The following KIAA0825 variants were observed in gnomAD, a reference collection of about 807,000 sequenced individuals.
KIAA0825 encodes the protein uncharacterized protein KIAA0825.
KIAA0825 carries 119 observed loss-of-function variants against 147.6 expected under a neutral mutation model. The observed-to-expected ratio is 0.81, with a 90% CI of 0.69 to 0.94. The LOEUF is 0.94. Ranked by LOEUF, KIAA0825 falls within the 40% of genes least tolerant of loss-of-function variation. KIAA0825 has a pLI of 0.00. For missense variants in KIAA0825, 1,381 were observed against 1,472.7 expected (o/e 0.94, Z 1.02); for synonymous variants, 470 against 518.1 (o/e 0.91, Z 1.26).
chr5:94,195,682 G>A (rs1373428261), intron 20 of KIAA0825, among the ~76,000 whole-genome samples: 3 of 150,412 alleles, frequency 2.0e-5, no homozygotes, highest in Non-Finnish European at 4.4e-5. Flanking sequence ...ATTTTATCCA[G>A]TTTGAAACAT....
intron 20 of KIAA0825, among the ~76,000 whole-genome samples, chr5:94,255,710 T>C (rs1193066922): frequency 2.8e-5 from 3 of 106,992 alleles, no homozygotes; most frequent in Non-Finnish European, 5.8e-5. Flanking sequence ...ATTATGGCTT[T>C]TTTTTTTTTT....
chr5:94,543,688 A>G (rs566892800), intron 2 of KIAA0825, among the ~76,000 whole-genome samples: 1 of 152,248 alleles, frequency 6.6e-6, no homozygotes, highest in African/African-American at 2.4e-5. Flanking sequence ...AACACTTAGG[A>G]TTAAGGGCTA....
intron 3 of KIAA0825, 96 bp downstream of exon 3, chr5:94,536,900 C>A: frequency 1.2e-6 from 1 of 820,054 alleles, no homozygotes; most frequent in Non-Finnish European, 1.9e-6. Context: ...TAATTAAAAC[C>A]TAAAATTATC....
At chr5:94,234,063 T>C (rs1774887840) in intron 20 of KIAA0825, among the ~76,000 whole-genome samples, 1 of 152,182 alleles carries the variant, frequency 6.6e-6, no homozygotes, top group Non-Finnish European at 1.5e-5. Flanking sequence ...TTTTCATTAT[T>C]ATCATAATAT....
chr5:94,300,969 T>C (rs1468615395), intron 20 of KIAA0825, among the ~76,000 whole-genome samples: 6 of 152,108 alleles, frequency 3.9e-5, no homozygotes, highest in African/African-American at 1.4e-4. Context: ...TCTATATGGA[T>C]AGGTTTTACT....
intron 1 of KIAA0825, chr5:94,592,816 C>A (rs946957483): frequency 4.3e-6 from 2 of 461,876 alleles, no homozygotes; most frequent in East Asian, 4.7e-5. Context: ...AAATATGCTT[C>A]GGCTAAGAGC....
Position 94,270,584 on chromosome 5 carries a change from A to G in KIAA0825, c.3710+113784T>C, listed in dbSNP as rs567597180. ...AGAGACAAACCAGTTTCCATTATGG[A>G]ACATAATGGAGCATTCAAAATGGGA... On this transcript the variant is annotated intron_variant, in intron 20 of 20. Coordinates refer to ENST00000682413, the MANE Select transcript of KIAA0825 (RefSeq NM_001145678.3). Among the ~76,000 whole-genome samples the G allele has an allele frequency of 2.0e-3, 310 of 151,962 alleles. 4 individuals carry two copies. Among genetic ancestry groups the G allele is most frequent in the African/African-American group, 6.6e-3 (272 of 41,286 alleles).
At chr5:94,385,918 G>A (rs949340891) in intron 19 of KIAA0825, among the ~76,000 whole-genome samples, 2 of 152,168 alleles carry the variant, frequency 1.3e-5, no homozygotes, top group Non-Finnish European at 2.9e-5. Context: ...GGGGATGGGG[G>A]TGGCAAGGGA....
intron 20 of KIAA0825, among the ~76,000 whole-genome samples, chr5:94,337,469 T>A (rs1781935937): frequency 1.3e-5 from 2 of 152,340 alleles, no homozygotes; most frequent in South Asian, 4.1e-4. Context: ...TTCTCTATTG[T>A]TTACATTTAT....
intron 20 of KIAA0825, among the ~76,000 whole-genome samples, chr5:94,368,673 A>T (rs1006451961): frequency 6.6e-6 from 1 of 152,188 alleles, no homozygotes; most frequent in African/African-American, 2.4e-5. Flanking sequence ...TAGAGGAAAC[A>T]CTCGGAGGCA....
At chr5:94,541,213 G>A (rs1000652678) in intron 2 of KIAA0825, among the ~76,000 whole-genome samples, 7 of 152,166 alleles carry the variant, frequency 4.6e-5, no homozygotes, top group East Asian at 1.9e-4. Context: ...GGAGTTAGAC[G>A]CTGGAAAGAG....
intron 5 of KIAA0825, among the ~76,000 whole-genome samples, chr5:94,504,452 C>T (rs905262800): frequency 6.6e-6 from 1 of 152,140 alleles, no homozygotes; most frequent in African/African-American, 2.4e-5. Flanking sequence ...TAGAACACTC[C>T]AAAAGGCTTA....
At chr5:94,249,795 G>T in intron 20 of KIAA0825, among the ~76,000 whole-genome samples, 2 of 139,388 alleles carry the variant, frequency 1.4e-5, no homozygotes, top group Admixed American at 7.0e-5. Context: ...ATTTTGCTCT[G>T]CTGGTTTTTT....
chr5:94,391,786 A>AC, intron 17 of KIAA0825, 92 bp from the exon 18 acceptor site: 1 of 1,093,380 alleles, frequency 9.1e-7, no homozygotes, highest in Non-Finnish European at 1.3e-6. Context: ...GTTGATGTAA[A>AC]TCTCAGATTC....
intron 20 of KIAA0825, among the ~76,000 whole-genome samples, chr5:94,376,710 G>A (rs1296008026): frequency 6.6e-6 from 1 of 152,144 alleles, no homozygotes; most frequent in African/African-American, 2.4e-5. Context: ...GATGGGTAGA[G>A]CGAGTCACTG....
At chr5:94,509,896 T>C (rs559526727) in intron 5 of KIAA0825, among the ~76,000 whole-genome samples, 2 of 152,200 alleles carry the variant, frequency 1.3e-5, no homozygotes, top group Non-Finnish European at 2.9e-5. Flanking sequence ...AAATGCCCAT[T>C]AAAAGTACAT....
rs1247811644 is a variant in KIAA0825 at position 94,153,935 on chromosome 5, A to G, written c.*72T>C. 10 of 1,022,672 alleles carry G rather than the reference A, an allele frequency of 9.8e-6. No individual in the cohort carries two copies. The East Asian group carries it at 2.3e-4, about 24-fold the overall frequency. The allele number at this position is 1,022,672 out of a possible 1,614,324, so 63.3% of individuals were successfully genotyped here. A position where few individuals can be genotyped will look rare whatever the true frequency, so the allele number is the denominator to read the frequency against. ...CACAGCACATATGAGGTTCATTCTG[A>G]CTATGGTAAAAAATCCTACTCCATT... On this transcript the variant is annotated 3_prime_UTR_variant, in exon 21 of 21. Transcript: ENST00000682413.
chr5:94,550,001 G>T (rs989132570), intron 2 of KIAA0825, among the ~76,000 whole-genome samples: 1 of 151,986 alleles, frequency 6.6e-6, no homozygotes, highest in Non-Finnish European at 1.5e-5. Flanking sequence ...AAGATAAAAT[G>T]GACATCAACA....
chr5:94,538,617 CT>C (rs1335910876), intron 2 of KIAA0825, among the ~76,000 whole-genome samples: 1 of 152,240 alleles, frequency 6.6e-6, no homozygotes, highest in Admixed American at 6.5e-5. Flanking sequence ...TGATTCTCCA[CT>C]TTCATGCTAT....
Sources: allele counts gnomAD v4.1 joint callset (sites outside exome capture counted in the v4.1 genomes callset), GRCh38; gene constraint gnomAD v4.1.1; transcripts MANE v1.5; gene names NCBI Gene and HGNC (gene_info 2026-07-23, HGNC 2026-07-21).